The following MYH3 variants were observed in gnomAD, a reference collection of about 807,000 sequenced individuals.
MYH3 encodes the protein myosin-3.
MYH3 carries 130 observed loss-of-function variants against 238.0 expected under a neutral mutation model. The observed-to-expected ratio is 0.55, with a 90% CI of 0.47 to 0.63. MYH3 has a LOEUF of 0.63. MYH3 is among the 30% of genes least tolerant of loss of function. The pLI, the probability that MYH3 is intolerant of heterozygous loss-of-function variation, is 0.00. For missense variants in MYH3, 1,853 were observed against 2,374.9 expected (o/e 0.78, Z 4.57); for synonymous variants, 880 against 924.1 (o/e 0.95, Z 0.86).
chr17:10,664,142 C>A, the MYH3 span, among the ~76,000 whole-genome samples: 1 of 151,182 alleles, frequency 6.6e-6, no homozygotes, highest in Non-Finnish European at 1.5e-5. Context: ...GAATATTATG[C>A]CTGCTTTCAA....
At chr17:10,644,120 G>T (rs1332763676) in intron 14 of MYH3, among the ~76,000 whole-genome samples, 1 of 151,264 alleles carries the variant, frequency 6.6e-6, no homozygotes, top group African/African-American at 2.4e-5. Flanking sequence ...TGGCGCCACT[G>T]CATTCTGGCC....
upstream of MYH3, among the ~76,000 whole-genome samples, chr17:10,658,324 G>T (rs537217431): frequency 1.8e-4 from 28 of 152,088 alleles, no homozygotes; most frequent in Non-Finnish European, 3.1e-4. Flanking sequence ...ATTCCAAATA[G>T]AACTGTTTGT....
At chr17:10,666,953 C>A in the MYH3 span, among the ~76,000 whole-genome samples, 2 of 152,122 alleles carry the variant, frequency 1.3e-5, no homozygotes, top group African/African-American at 4.8e-5. Flanking sequence ...AAATGATACA[C>A]AGAAGGGCTT....
At position 10,633,448 on chromosome 17, in the gene MYH3, T is replaced by A; in HGVS notation, c.4647+143A>T. ...ACAGGTATTATTCAGCCTCACAGTT[T>A]TGCTGTGTGACGGGAAAGCAGCAGG... On this transcript the variant is annotated intron_variant, in intron 33 of 40. Transcript: ENST00000583535. 3 of 977,840 alleles carry A rather than the reference T, an allele frequency of 3.1e-6. No homozygotes were observed. In the Admixed American group the frequency reaches 5.9e-5, roughly 19 times the overall value. 60.6% of individuals were successfully genotyped at this position (977,840 alleles called of 1,614,324 possible).
Position 10,629,882 on chromosome 17 carries a change from T to C in MYH3, c.5618A>G (p.Gln1873Arg). Residue 1873 changes from glutamine (Q) to arginine (R), a missense_variant, in exon 39 of 41, where the codon CAA becomes CGA. Physicochemically the swap from Gln to Arg is conservative, Grantham distance 43 (BLOSUM62 1). This residue lies in a region of MYH3 where 1,044 missense variants were observed against 1,192.6 expected (regional missense o/e 0.88). Coordinates refer to ENST00000583535, the MANE Select transcript of MYH3 (RefSeq NM_002470.4). ...CCTCTTGTAGGACTTGACTTTCACTTGCAGTTTATCCACCAGATCCTGCAA... is the reference window on the plus strand; with the variant it reads ...CCTCTTGTAGGACTTGACTTTCACTCGCAGTTTATCCACCAGATCCTGCAA... ...LRLQDLVDKL[Q>R]VKVKSYKRQA... 6.2e-7 allele frequency: 1 copy of C among 1,614,166 alleles called. No individual in the cohort carries two copies. Among genetic ancestry groups the C allele is most frequent in the Non-Finnish European group, 8.5e-7 (1 of 1,180,032 alleles).
At chr17:10,646,786 A>T (rs4792009) in intron 10 of MYH3, among the ~76,000 whole-genome samples, 1 of 151,942 alleles carries the variant, frequency 6.6e-6, no homozygotes, top group South Asian at 2.1e-4. Context: ...AGTGGCTCAC[A>T]CCTATAATCC....
chr17:10,632,935 G>T, intron 33 of MYH3, 151 bp from the exon 34 acceptor site: 1 of 901,772 alleles, frequency 1.1e-6, no homozygotes, highest in Non-Finnish European at 1.8e-6. Context: ...AAATTGGCCG[G>T]GTGCAGTGGT....
chr17:10,652,577 G>C lies in MYH3; in HGVS notation c.205-14C>G, dbSNP rs756496445. The C allele has an allele frequency of 2.7e-6, 4 of 1,499,406 alleles. No individual in the cohort carries two copies. Among genetic ancestry groups the C allele is most frequent in the African/African-American group, 2.8e-5 (2 of 71,400 alleles). 92.9% of individuals were successfully genotyped at this position (1,499,406 alleles called of 1,614,324 possible). A position where few individuals can be genotyped will look rare whatever the true frequency, so the allele number is the denominator to read the frequency against. On this transcript the variant is annotated splice_polypyrimidine_tract_variant and intron_variant, in intron 3 of 40. Transcript: ENST00000583535. ...GACCACCAGGGTCTAAAAAGGAAGA[G>C]GCACAGTGCTTCACTAAGATGGTCT...
intron 30 of MYH3, 58 bp from the exon 31 acceptor site, chr17:10,635,081 AC>A: frequency 6.5e-7 from 1 of 1,545,616 alleles, no homozygotes; most frequent in South Asian, 1.1e-5. Flanking sequence ...CTTGAACATC[AC>A]TATTCATCAA....
rs749446818 is a variant in MYH3, at chr17:10,635,820, C to T, written c.3890G>A (p.Ser1297Asn). Residue 1297 changes from serine to asparagine, a missense_variant, in exon 29 of 41, where the codon AGC becomes AAC. Physicochemically the swap from Ser to Asn is conservative, Grantham distance 46 (BLOSUM62 1). Around this residue, in one of 3 missense-constraint regions of MYH3, gnomAD observed 1,044 missense variants for 1,192.6 expected, o/e 0.88. Coordinates refer to ENST00000583535, the MANE Select transcript of MYH3 (RefSeq NM_002470.4). ...GCTCCTGGAAAGTTGGGATACTATG[C>T]TTTCTTTTTCTTCCAGCTGACGACT... ...ELSRQLEEKE[S>N]IVSQLSRSKQ... is the part of the protein sequence containing the mutation. The T allele has an allele frequency of 2.5e-6, 4 of 1,614,162 alleles. No individual in the cohort carries two copies. In the East Asian group the frequency reaches 8.9e-5, roughly 36 times the overall value.
rs764355997 is a variant in MYH3 at position 10,638,225 on chromosome 17, T to A, written c.3547A>T (p.Thr1183Ser). The change falls in exon 27 of 41, where the codon ACA (threonine) becomes TCA (serine). Residue 1183 changes from threonine (T) to serine (S), a missense_variant. Coordinates refer to ENST00000583535, the MANE Select transcript of MYH3 (RefSeq NM_002470.4). ...LKLRRDLEEA[T>S]LQHEAMVAAL... ...GCCACCATGGCTTCGTGCTGCAGTG[T>A]GGCCTCCTCCAGGTCCCTGCGCAGC... is the stretch of plus-strand genomic sequence containing the variant. 4.3e-6 allele frequency: 7 copies of A among 1,613,950 alleles called. No individual in the cohort carries two copies. The South Asian group carries it at 6.6e-5, about 15-fold the overall frequency.
At chr17:10,645,644 AG>A (rs755617790) in intron 12 of MYH3, 62 bp downstream of exon 12, 11 of 1,597,322 alleles carry the variant, frequency 6.9e-6, no homozygotes, top group Non-Finnish European at 9.4e-6. Context: ...TTTCAAAAGC[AG>A]TACCAAGTGA....
chr17:10,638,574 A>G (rs2074240390), intron 26 of MYH3, 142 bp from the exon 27 acceptor site: 5 of 1,224,284 alleles, frequency 4.1e-6, no homozygotes, highest in Middle Eastern at 2.7e-4. Context: ...TTCCTTTCAC[A>G]GGAATTTTTT....
chr17:10,656,974 T>C (rs2074438280), intron 1 of MYH3, among the ~76,000 whole-genome samples: 1 of 152,126 alleles, frequency 6.6e-6, no homozygotes, highest in Admixed American at 6.5e-5. Context: ...CCATGGCAGC[T>C]GGGCTCACGG....
chr17:10,645,852 T>C lies in MYH3; in HGVS notation c.1003-7A>G. The C allele has an allele frequency of 1.2e-6, 2 of 1,613,890 alleles. No homozygotes were observed. Among genetic ancestry groups the C allele is most frequent in the Non-Finnish European group, 8.5e-7 (1 of 1,179,988 alleles). ...CCAGGATGTCAATGGCGCTCTGGCA[T>C]GGAAAGGGCAGCACGTCAGTCAGTT... On this transcript the variant is annotated splice_region_variant and splice_polypyrimidine_tract_variant and intron_variant, in intron 11 of 40. Coordinates refer to ENST00000583535, the MANE Select transcript of MYH3 (RefSeq NM_002470.4).
chr17:10,664,362 G>A, the MYH3 span, among the ~76,000 whole-genome samples: 1 of 152,136 alleles, frequency 6.6e-6, no homozygotes, highest in Non-Finnish European at 1.5e-5. Flanking sequence ...CTTGGGGTAG[G>A]TAGCTAGTGA....
Position 10,647,189 on chromosome 17 carries a change from C to G in MYH3, c.891G>C (p.Glu297Asp), listed in dbSNP as rs2074330016. The G allele has an allele frequency of 2.5e-6, 4 of 1,613,850 alleles. No homozygotes were observed. Among genetic ancestry groups the G allele is most frequent in the Non-Finnish European group, 3.4e-6 (4 of 1,179,692 alleles). ...FYQILSNKKP[E>D]LIELLLITTN... is the part of the protein sequence containing the mutation. ...CACTGGTGACTTCCTCACCTATGAG[C>G]TCAGGCTTCTTGTTAGAAAGAATCT... The change falls in exon 10 of 41, where the codon GAG (glutamate) becomes GAC (aspartate). Residue 297 changes from glutamate (E) to aspartate (D), a missense_variant. Around this residue, in one of 3 missense-constraint regions of MYH3, gnomAD observed 678 missense variants for 1,058.9 expected, o/e 0.64. Transcript: ENST00000583535.
At chr17:10,655,160 T>G in intron 2 of MYH3, 88 bp from the exon 3 acceptor site, 1 of 1,072,602 alleles carries the variant, frequency 9.3e-7, no homozygotes, top group Non-Finnish European at 1.4e-6. Flanking sequence ...CACCCTGCCC[T>G]CCTTCAGCCG....
chr17:10,652,016 C>T (rs1031327206), intron 4 of MYH3: 157 of 389,120 alleles, frequency 4.0e-4, no homozygotes, highest in Middle Eastern at 8.3e-4. Context: ...GCTGGGATTA[C>T]GGGCGTGAGC....
Sources: gnomAD v4.1 joint callset for allele counts (sites outside exome capture counted in the v4.1 genomes callset) on GRCh38, gnomAD v4.1.1 for gene constraint, gnomAD v4.1.1 regional missense constraint, MANE v1.5 for transcripts, NCBI Gene and HGNC (gene_info 2026-07-23, HGNC 2026-07-21) for gene names.